AGBL1: variants seen among roughly 807,000 people sequenced by gnomAD.
AGBL1 encodes AGBL carboxypeptidase 1.
Under a neutral mutation model 118.9 loss-of-function variants are expected in AGBL1, and 130 were observed. The ratio of observed to expected loss-of-function variants is 1.09; its 90% CI spans 0.95 to 1.26. The LOEUF (loss-of-function observed/expected upper bound fraction) is 1.26, where lower values mean the gene tolerates loss of function less well. AGBL1 is among the 50% of genes most tolerant of loss of function. AGBL1 has a pLI of 0.00. For synonymous variants in AGBL1, 555 were observed against 478.9 expected (o/e 1.16, Z -2.08); for missense variants, 1,584 against 1,298.1 (o/e 1.22, Z -3.38).
At chr15:86,360,377 C>A (rs1341950140) in intron 17 of AGBL1, among the ~76,000 whole-genome samples, 1 of 145,950 alleles carries the variant, frequency 6.9e-6, no homozygotes, top group Non-Finnish European at 1.5e-5. Context: ...GTATGTTGAA[C>A]CATCCTTGCA....
chr15:86,720,606 A>C (rs1195538534), intron 22 of AGBL1, among the ~76,000 whole-genome samples: 1 of 152,188 alleles, frequency 6.6e-6, no homozygotes, highest in East Asian at 1.9e-4. Flanking sequence ...TATAGTGGGC[A>C]ACAGTTACCT....
intron 18 of AGBL1, among the ~76,000 whole-genome samples, chr15:86,411,184 A>T (rs901502718): frequency 1.3e-5 from 2 of 151,710 alleles, no homozygotes; most frequent in African/African-American, 4.8e-5. Flanking sequence ...ATCAGCCTCC[A>T]TCAAGGTATC....
intron 17 of AGBL1, among the ~76,000 whole-genome samples, chr15:86,327,991 G>T (rs540374820): frequency 6.6e-6 from 1 of 152,308 alleles, no homozygotes; most frequent in Admixed American, 6.5e-5. Flanking sequence ...ATACCTATAT[G>T]AGCAAGCTTT....
intron 19 of AGBL1, among the ~76,000 whole-genome samples, chr15:86,527,635 C>T (rs1031891155): frequency 1.3e-5 from 2 of 152,140 alleles, no homozygotes; most frequent in African/African-American, 2.4e-5. Context: ...TGTGACTCTG[C>T]CCAAATTCTG....
chr15:86,791,132 A>G lies in AGBL1; in HGVS notation c.3159-115955A>G, dbSNP rs141772859. Among the ~76,000 whole-genome samples the G allele has an allele frequency of 1.2e-3, 185 of 152,318 alleles. 1 individual carries two copies. The highest frequency in any genetic ancestry group is 4.2e-3 in the African/African-American group (174 of 41,570). ...TTAATCTGGAAAACACACGAACGTA[A>G]AATGATTTGCCACAGTGGATGAATC... On this transcript the variant is annotated intron_variant, in intron 22 of 22. Coordinates refer to ENST00000614907, the MANE Select transcript of AGBL1 (RefSeq NM_001386094.1).
At chr15:86,925,412 G>A (rs72754052) in intron 23 of AGBL1, among the ~76,000 whole-genome samples, 5,844 of 152,026 alleles carry the variant, frequency 0.038, 152 homozygotes, top group Middle Eastern at 0.062. Flanking sequence ...TGTAATTATA[G>A]GGCAAAGAAG....
chr15:86,686,039 G>A (rs1193698403), intron 22 of AGBL1, among the ~76,000 whole-genome samples: 2 of 152,252 alleles, frequency 1.3e-5, no homozygotes, highest in Admixed American at 6.5e-5. Flanking sequence ...AGCAAAACTA[G>A]TTAGCCTGCC....
At chr15:86,379,281 T>C (rs1312528580) in intron 17 of AGBL1, among the ~76,000 whole-genome samples, 2 of 152,158 alleles carry the variant, frequency 1.3e-5, no homozygotes, top group Non-Finnish European at 1.5e-5. Flanking sequence ...CCATGAAGGA[T>C]ACTGCCTTAC....
chr15:86,254,288 A>G (rs1476691668), intron 7 of AGBL1, among the ~76,000 whole-genome samples: 1 of 152,196 alleles, frequency 6.6e-6, no homozygotes, highest in Non-Finnish European at 1.5e-5. Flanking sequence ...TTTAATTCAC[A>G]CACAACATTA....
At chr15:87,020,452 T>A (rs1350339378) in intron 24 of AGBL1, among the ~76,000 whole-genome samples, 1 of 151,986 alleles carries the variant, frequency 6.6e-6, no homozygotes, top group Non-Finnish European at 1.5e-5. Context: ...CAGAAAAGGG[T>A]GTCCTCTCTT....
rs1596412917 is a variant in AGBL1 at position 86,728,752 on chromosome 15, A to G, written c.3158+54316A>G. 2.6e-5 allele frequency among the ~76,000 whole-genome samples: 4 copies of G among 152,020 alleles called. No individual in the cohort carries two copies. In the East Asian group the frequency reaches 7.7e-4, roughly 29 times the overall value. On this transcript the variant is annotated intron_variant, in intron 22 of 22. Coordinates refer to ENST00000614907, the MANE Select transcript of AGBL1 (RefSeq NM_001386094.1). Reference sequence around the variant, plus strand: ...CTTTTAAAATTTTGTGTCTGGAGTTATCAAGGGGATAGAATTCCAGGTTTC... The same window carrying G: ...CTTTTAAAATTTTGTGTCTGGAGTTGTCAAGGGGATAGAATTCCAGGTTTC...
intron 2 of AGBL1, 117 bp downstream of exon 2, chr15:86,142,184 G>T (rs2076972748): frequency 4.3e-5 from 43 of 1,008,822 alleles, no homozygotes; most frequent in Middle Eastern, 5.9e-4. Context: ...TCCTGTGAGA[G>T]GCAGCATCAC....
rs148637701 is a variant in AGBL1, at chr15:86,744,194, C to T, written c.3158+69758C>T. ...TCCTGCCACCTTAGTTAAGGCAGGA[C>T]TTCCTATTGACAGGAATAATTAGCT... is the stretch of plus-strand genomic sequence containing the variant. On this transcript the variant is annotated intron_variant, in intron 22 of 22. Coordinates refer to ENST00000614907, the MANE Select transcript of AGBL1 (RefSeq NM_001386094.1). 5.3e-5 allele frequency among the ~76,000 whole-genome samples: 8 copies of T among 152,150 alleles called. No homozygotes were observed. In the East Asian group the frequency reaches 1.5e-3, roughly 29 times the overall value.
At chr15:86,795,510 C>T (rs79121383) in intron 22 of AGBL1, among the ~76,000 whole-genome samples, 51 of 151,798 alleles carry the variant, frequency 3.4e-4, no homozygotes, top group African/African-American at 1.2e-3. Flanking sequence ...TTCAACTCTC[C>T]TATCTAAGTG....
At chr15:86,699,479 A>T (rs1489763353) in intron 22 of AGBL1, among the ~76,000 whole-genome samples, 1 of 152,064 alleles carries the variant, frequency 6.6e-6, no homozygotes, top group Non-Finnish European at 1.5e-5. Flanking sequence ...AAATAATAAG[A>T]TTCATTTCGT....
chr15:86,249,680 C>G (rs1186734435), intron 7 of AGBL1, among the ~76,000 whole-genome samples: 2 of 152,164 alleles, frequency 1.3e-5, no homozygotes, highest in African/African-American at 4.8e-5. Context: ...CCACTCTGGT[C>G]CAGTGCTTTA....
At chr15:86,723,171 T>C (rs1340176465) in intron 22 of AGBL1, among the ~76,000 whole-genome samples, 5 of 152,222 alleles carry the variant, frequency 3.3e-5, no homozygotes, top group Non-Finnish European at 4.4e-5. Context: ...TCCAAAGGAT[T>C]ATAAATCATG....
chr15:86,390,660 ATTTTTTTTTTTTTT>A (rs756052402), intron 17 of AGBL1, among the ~76,000 whole-genome samples: 1 of 75,474 alleles, frequency 1.3e-5, no homozygotes, highest in East Asian at 6.1e-4. Flanking sequence ...ATACTGTATG[ATTTTTTTTTTTTTT>A]TTTTTTTTTT....
At chr15:86,797,159 G>T (rs1363148243) in intron 22 of AGBL1, among the ~76,000 whole-genome samples, 1 of 152,208 alleles carries the variant, frequency 6.6e-6, no homozygotes, top group East Asian at 1.9e-4. Flanking sequence ...ACCTTGCCCA[G>T]TGTCAGGCAC....
Sources: allele counts gnomAD v4.1 joint callset (sites outside exome capture counted in the v4.1 genomes callset), GRCh38; gene constraint gnomAD v4.1.1; transcripts MANE v1.5; gene names NCBI Gene and HGNC (gene_info 2026-07-23, HGNC 2026-07-21).